The following LAMC3 variants were observed in gnomAD, a reference collection of about 807,000 sequenced individuals.
LAMC3 encodes laminin subunit gamma 3, also known as laminin subunit gamma-3.
In LAMC3, 128 loss-of-function variants were observed where a neutral mutation model predicts 173.8. The observed-to-expected ratio is 0.74, with a 90% confidence interval of 0.64 to 0.85. LAMC3 has a LOEUF of 0.85. LAMC3 is among the 40% of genes least tolerant of loss of function. LAMC3 has a pLI of 0.00. For missense variants in LAMC3, 2,022 were observed against 2,156.0 expected (o/e 0.94, Z 1.23); for synonymous variants, 897 against 909.1 (o/e 0.99, Z 0.24).
chr9:131,025,881 G>A (rs1263335141), intron 1 of LAMC3, among the ~76,000 whole-genome samples: 6 of 152,304 alleles, frequency 3.9e-5, no homozygotes, highest in African/African-American at 1.4e-4. Flanking sequence ...GAATGAGGCC[G>A]AAGGCACAGT....
intron 4 of LAMC3, among the ~76,000 whole-genome samples, chr9:131,037,405 A>C (rs1833966774): frequency 6.6e-6 from 1 of 151,976 alleles, no homozygotes; most frequent in African/African-American, 2.4e-5. Flanking sequence ...ACTTCTGTCC[A>C]TTGCAGCCGA....
At chr9:131,039,085 CT>C in intron 5 of LAMC3, 33 bp downstream of exon 5, 1 of 1,612,328 alleles carries the variant, frequency 6.2e-7, no homozygotes. Flanking sequence ...GCCTCCGACC[CT>C]CTCCCTTTCC....
At position 131,012,048 on chromosome 9, in the gene LAMC3, A is replaced by AACACACACACAC. The variant is rs3837236; in HGVS notation, c.373+2463_373+2474dup. On this transcript the variant is annotated intron_variant, in intron 1 of 27. Transcript: ENST00000361069. ...CTCCACACTGTGAATGTAGAGAGCG[A>AACACACACACAC]ACACACACACACATACACACACACA... 5.8e-4 allele frequency among the ~76,000 whole-genome samples: 80 copies of AACACACACACAC among 138,234 alleles called. 1 individual carries two copies. The highest frequency in any genetic ancestry group is 2.1e-3 in the African/African-American group (79 of 38,536). The allele number at this position is 138,234 out of a possible 152,430, so 90.7% of individuals were successfully genotyped here.
At position 131,058,703 on chromosome 9, in the gene LAMC3, G is replaced by T. The variant is rs1197788741; in HGVS notation, c.2158+1556G>T. ...GAGGTCAGGAGTTTGAGACCAGCCT[G>T]GCCAACATGGTGAAACCCCATCTCT... On this transcript the variant is annotated intron_variant, in intron 12 of 27. Coordinates refer to ENST00000361069, the MANE Select transcript of LAMC3 (RefSeq NM_006059.4). 5.3e-5 allele frequency among the ~76,000 whole-genome samples: 8 copies of T among 151,824 alleles called. No individual in the cohort carries two copies. In the East Asian group the frequency reaches 1.6e-3, roughly 30 times the overall value.
At chr9:131,031,987 G>C in intron 2 of LAMC3, 58 bp from the exon 3 acceptor site, 2 of 1,613,572 alleles carry the variant, frequency 1.2e-6, no homozygotes, top group Non-Finnish European at 1.7e-6. Context: ...CAGAGCGATG[G>C]GGGTAAATAC....
At position 131,045,529 on chromosome 9, in the gene LAMC3, G is replaced by T; in HGVS notation, c.1388G>T (p.Arg463Leu). 6.2e-7 allele frequency: 1 copy of T among 1,613,476 alleles called. No individual in the cohort carries two copies. The highest frequency in any genetic ancestry group is 8.5e-7 in the Non-Finnish European group (1 of 1,180,030). ...ATGTCCTGCCTCCATTTCAGATGTCGCCCGGGGACCTTTAACCTGCAGCCC... is the reference window on the plus strand; with the variant it reads ...ATGTCCTGCCTCCATTTCAGATGTCTCCCGGGGACCTTTAACCTGCAGCCC... Reference protein sequence around the residue: ...NVEGNLCDRCRPGTFNLQPHN... With the variant: ...NVEGNLCDRCLPGTFNLQPHN... The change falls in exon 8 of 28, where the codon CGC (arginine) becomes CTC (leucine). Residue 463 changes from arginine to leucine, a missense_variant. Arg to Leu is a moderately radical substitution (Grantham distance 102). Coordinates refer to ENST00000361069, the MANE Select transcript of LAMC3 (RefSeq NM_006059.4).
At chr9:131,032,236 G>C (rs1588142668) in intron 3 of LAMC3, 61 bp downstream of exon 3, 1 of 583,272 alleles carries the variant, frequency 1.7e-6, no homozygotes, top group Non-Finnish European at 3.1e-6. Context: ...AGAGCGGAAG[G>C]TGGCTGCTGT....
rs1227086778 is a variant in LAMC3 at position 131,040,184 on chromosome 9, A to T, written c.1283+936A>T. ...ATGCACCACCATGCCCACTATCTCTATTTTTTTTTTTAAGATGGAGTCCTC... is the reference window on the plus strand; with the variant it reads ...ATGCACCACCATGCCCACTATCTCTTTTTTTTTTTTTAAGATGGAGTCCTC... On this transcript the variant is annotated intron_variant, in intron 6 of 27. Coordinates refer to ENST00000361069, the MANE Select transcript of LAMC3 (RefSeq NM_006059.4). 4.8e-5 allele frequency among the ~76,000 whole-genome samples: 7 copies of T among 145,830 alleles called. No homozygotes were observed. The South Asian group carries it at 1.1e-3, about 23-fold the overall frequency.
In LAMC3 at chr9:131,072,784, G is replaced by A. The variant is rs1425774429; in HGVS notation, c.3366G>A (p.Leu1122=). 2.5e-6 allele frequency: 4 copies of A among 1,613,342 alleles called. No individual in the cohort carries two copies. Among genetic ancestry groups the A allele is most frequent in the Non-Finnish European group, 3.4e-6 (4 of 1,179,774 alleles). ...AGCTGGCAGACCTGGAGGCAGTGCT[G>A]GAGTCCTCGGAAGAGGAGATTCTGC... ...CTQLADLEAV[L]ESSEEEILHA... is the part of the protein sequence containing the mutation. Residue 1122 remains leucine (L), a synonymous_variant, in exon 19 of 28, where the codon CTG becomes CTA. Transcript: ENST00000361069.
chr9:131,010,192 G>C (rs901660867), intron 1 of LAMC3, among the ~76,000 whole-genome samples: 2 of 151,066 alleles, frequency 1.3e-5, no homozygotes, highest in Non-Finnish European at 3.0e-5. Context: ...GGGCGTGGTG[G>C]TGCACACCTA....
chr9:131,088,940 C>A (rs185716115), intron 27 of LAMC3, among the ~76,000 whole-genome samples: 2 of 151,912 alleles, frequency 1.3e-5, no homozygotes, highest in Admixed American at 6.6e-5. Flanking sequence ...AAAAAATTAG[C>A]CAGGCATGGT....
chr9:131,059,269 G>A (rs1377245570), intron 12 of LAMC3, among the ~76,000 whole-genome samples: 2 of 151,810 alleles, frequency 1.3e-5, no homozygotes, highest in Non-Finnish European at 2.9e-5. Context: ...GAGGTGGGCA[G>A]ATCATGCAGT....
chr9:131,044,479 C>T (rs1370269948), intron 7 of LAMC3, among the ~76,000 whole-genome samples: 1 of 152,140 alleles, frequency 6.6e-6, no homozygotes, highest in Non-Finnish European at 1.5e-5. Flanking sequence ...CACTGCACTC[C>T]AGCTTGGGCA....
At chr9:131,082,223 C>A (rs1830254656) in intron 24 of LAMC3, 62 bp downstream of exon 24, 2 of 1,245,636 alleles carry the variant, frequency 1.6e-6, no homozygotes, top group Admixed American at 1.9e-5. Context: ...AGCCACTCAC[C>A]TCTCGCCTCA....
intron 3 of LAMC3, among the ~76,000 whole-genome samples, chr9:131,035,552 A>T (rs1833927708): frequency 1.3e-5 from 2 of 152,118 alleles, no homozygotes; most frequent in South Asian, 4.1e-4. Flanking sequence ...TGATCCAATC[A>T]GCTCCCACCA....
intron 2 of LAMC3, among the ~76,000 whole-genome samples, chr9:131,028,580 AT>A (rs1219788257): frequency 6.6e-6 from 1 of 152,188 alleles, no homozygotes; most frequent in Non-Finnish European, 1.5e-5. Context: ...GTGGTTCGCT[AT>A]AAGGACTCAC....
intron 2 of LAMC3, among the ~76,000 whole-genome samples, chr9:131,031,708 C>G (rs1283598083): frequency 6.6e-6 from 1 of 152,210 alleles, no homozygotes; most frequent in Non-Finnish European, 1.5e-5. Flanking sequence ...TTCCTGACCA[C>G]GGGCCCGACC....
intron 23 of LAMC3, among the ~76,000 whole-genome samples, chr9:131,081,278 C>T (rs148747399): frequency 6.6e-6 from 1 of 152,316 alleles, no homozygotes; most frequent in Non-Finnish European, 1.5e-5. Context: ...GTGGATGAAG[C>T]ACATTTTGTT....
chr9:131,084,082 CA>C (rs1220100585), intron 24 of LAMC3, among the ~76,000 whole-genome samples: 6 of 149,606 alleles, frequency 4.0e-5, no homozygotes, highest in African/African-American at 1.5e-4. Context: ...AGGGTTTCAC[CA>C]GGTTGGACAG....
Sources: gnomAD v4.1 joint callset for allele counts (sites outside exome capture counted in the v4.1 genomes callset) on GRCh38, gnomAD v4.1.1 for gene constraint, MANE v1.5 for transcripts, NCBI Gene and HGNC (gene_info 2026-07-23, HGNC 2026-07-21) for gene names.